Variants in MYBL2 observed in about 807,000 individuals in gnomAD.
MYBL2 encodes the protein MYB proto-oncogene like 2.
Under a neutral mutation model 79.9 loss-of-function variants are expected in MYBL2, and 28 were observed. The observed-to-expected ratio is 0.35, with a 90% confidence interval of 0.26 to 0.48. The LOEUF is 0.48. Ranked by LOEUF, MYBL2 falls within the 20% of genes least tolerant of loss-of-function variation. The pLI is 0.99. For missense variants in MYBL2, 735 were observed against 893.9 expected (o/e 0.82, Z 2.27); for synonymous variants, 378 against 361.2 (o/e 1.05, Z -0.53).
rs1380579023 is a variant in MYBL2 at position 43,699,265 on chromosome 20, C to T, written c.664-492C>T. Among the ~76,000 whole-genome samples the T allele has an allele frequency of 7.9e-5, 12 of 151,956 alleles. No individual in the cohort carries two copies. The East Asian group carries it at 9.7e-4, about 12-fold the overall frequency. On this transcript the variant is annotated intron_variant, in intron 6 of 13. Coordinates refer to ENST00000217026, the MANE Select transcript of MYBL2 (RefSeq NM_002466.4). Reference sequence around the variant, plus strand: ...TTCACCATGTTGGCCAGGCTGATCTCGAACTCTTGACCTCAGGTGATCCAC... The same window carrying T: ...TTCACCATGTTGGCCAGGCTGATCTTGAACTCTTGACCTCAGGTGATCCAC...
At chr20:43,675,169 A>G (rs1407509729) in intron 2 of MYBL2, among the ~76,000 whole-genome samples, 2 of 151,574 alleles carry the variant, frequency 1.3e-5, no homozygotes, top group Non-Finnish European at 2.9e-5. Flanking sequence ...TTGTAGAGAC[A>G]GGGTCTCGCC....
In MYBL2 at chr20:43,667,217, C is replaced by G; in HGVS notation, c.-67C>G. The G allele has an allele frequency of 8.6e-7, 1 of 1,158,994 alleles. No individual in the cohort carries two copies. The highest frequency in any genetic ancestry group is 1.1e-6 in the Non-Finnish European group (1 of 935,654). 71.8% of individuals were successfully genotyped at this position (1,158,994 alleles called of 1,614,324 possible). A position where few individuals can be genotyped will look rare whatever the true frequency, so the allele number is the denominator to read the frequency against. On this transcript the variant is annotated 5_prime_UTR_variant, in exon 1 of 14. Transcript: ENST00000217026. ...GGCCGGAGCAGCCCGGGTCCTGACC[C>G]CGGCCCGGCTCCCGCTCCGGGCTCT... is the stretch of plus-strand genomic sequence containing the variant.
At chr20:43,707,936 A>G (rs1987827201) in intron 9 of MYBL2, among the ~76,000 whole-genome samples, 1 of 152,098 alleles carries the variant, frequency 6.6e-6, no homozygotes, top group South Asian at 2.1e-4. Flanking sequence ...CCTCTTCACC[A>G]TCTTAAGCCA....
At chr20:43,712,606 G>A (rs920847483) in intron 11 of MYBL2, among the ~76,000 whole-genome samples, 2 of 152,176 alleles carry the variant, frequency 1.3e-5, no homozygotes, top group African/African-American at 4.8e-5. Context: ...GGCTTGTCCT[G>A]AGGGGTTTGT....
chr20:43,696,721 A>G (rs1356843768), intron 6 of MYBL2, among the ~76,000 whole-genome samples: 2 of 152,272 alleles, frequency 1.3e-5, no homozygotes, highest in African/African-American at 4.8e-5. Flanking sequence ...CATTTGCTGA[A>G]CTGTGTGGTT....
At position 43,675,322 on chromosome 20, in the gene MYBL2, CT is replaced by C. The variant is rs35340291; in HGVS notation, c.114+1436del. On this transcript the variant is annotated intron_variant, in intron 2 of 13. Coordinates refer to ENST00000217026, the MANE Select transcript of MYBL2 (RefSeq NM_002466.4). Reference sequence around the variant, plus strand: ...GTGAACAGTTTGATCAGTTTTTTTTCTTTTTTTTTTTTTGAGATGGAGTCTC... The same window carrying C: ...GTGAACAGTTTGATCAGTTTTTTTTCTTTTTTTTTTTTGAGATGGAGTCTC... Among the ~76,000 whole-genome samples, 1,285 of 142,616 alleles carry C rather than the reference CT, an allele frequency of 9.0e-3. 13 individuals carry two copies. Among genetic ancestry groups the C allele is most frequent in the African/African-American group, 0.026 (1,008 of 39,230 alleles). 93.6% of individuals were successfully genotyped at this position (142,616 alleles called of 152,430 possible). A position where few individuals can be genotyped will look rare whatever the true frequency, so the allele number is the denominator to read the frequency against.
chr20:43,692,127 G>T (rs758672846), intron 5 of MYBL2, 30 bp from the exon 6 acceptor site: 13 of 1,608,434 alleles, frequency 8.1e-6, no homozygotes, highest in Non-Finnish European at 1.1e-5. Context: ...ACAGAGCTGG[G>T]GTTCAAAGGC....
chr20:43,708,998 G>C (rs1342242845), intron 9 of MYBL2, among the ~76,000 whole-genome samples: 1 of 152,244 alleles, frequency 6.6e-6, no homozygotes, highest in Non-Finnish European at 1.5e-5. Context: ...CTAATCTCTA[G>C]GTCCTGAGGA....
At chr20:43,702,126 C>CA (rs958699751) in intron 7 of MYBL2, among the ~76,000 whole-genome samples, 7 of 151,112 alleles carry the variant, frequency 4.6e-5, no homozygotes, top group Admixed American at 2.0e-4. Flanking sequence ...GTCTCTGTCT[C>CA]AAAAAAAAGT....
In MYBL2 at chr20:43,716,434, C is replaced by T. The variant is rs1176712499; in HGVS notation, c.*347C>T. On this transcript the variant is annotated 3_prime_UTR_variant, in exon 14 of 14. Coordinates refer to ENST00000217026, the MANE Select transcript of MYBL2 (RefSeq NM_002466.4). ...ATGTGGCCAGGGGTGCTCCTGTGCT[C>T]ACCCTCTCTTGGTGCATTTTTTTGG... 1 of 303,570 alleles carries T rather than the reference C, an allele frequency of 3.3e-6. No homozygotes were observed. Among genetic ancestry groups the T allele is most frequent in the East Asian group, 8.4e-5 (1 of 11,944 alleles). 18.8% of individuals were successfully genotyped at this position (303,570 alleles called of 1,614,324 possible). A position where few individuals can be genotyped will look rare whatever the true frequency, so the allele number is the denominator to read the frequency against.
chr20:43,671,056 C>T (rs972413477), intron 1 of MYBL2, among the ~76,000 whole-genome samples: 1 of 151,618 alleles, frequency 6.6e-6, no homozygotes, highest in Non-Finnish European at 1.5e-5. Flanking sequence ...GCAACCTCTG[C>T]CTCCTGGGTT....
chr20:43,681,651 G>A, intron 2 of MYBL2, 133 bp from the exon 3 acceptor site: 1 of 877,392 alleles, frequency 1.1e-6, no homozygotes, highest in Non-Finnish European at 1.9e-6. Context: ...GTAGTGCCTG[G>A]CACCTTGTAC....
intron 9 of MYBL2, among the ~76,000 whole-genome samples, chr20:43,706,809 G>A (rs1209310178): frequency 7.1e-6 from 1 of 140,636 alleles, no homozygotes; most frequent in Admixed American, 7.6e-5. Context: ...TCCGCCTCCC[G>A]GGTTCAAGCA....
intron 4 of MYBL2, 42 bp downstream of exon 4, chr20:43,682,928 C>A (rs1987178143): frequency 2.6e-6 from 4 of 1,566,476 alleles, no homozygotes; most frequent in Non-Finnish European, 2.6e-6. Flanking sequence ...GGGTCTTCAC[C>A]CACCAGTGTA....
intron 3 of MYBL2, 70 bp downstream of exon 3, chr20:43,681,925 C>G (rs1987154207): frequency 6.5e-7 from 1 of 1,544,000 alleles, no homozygotes; most frequent in Non-Finnish European, 8.9e-7. Context: ...CTGGGACAGA[C>G]TTTGCCAAGG....
intron 9 of MYBL2, among the ~76,000 whole-genome samples, chr20:43,706,719 G>GTTTTTTTTTTTTTTTTTTTTTTT (rs71193702): frequency 2.8e-5 from 2 of 70,780 alleles, no homozygotes; most frequent in African/African-American, 1.2e-4. Flanking sequence ...AAAAAAAAAA[G>GTTTTTTTTTTTTTTTTTTTTTTT]TTTTTTTTTT....
chr20:43,695,018 C>A (rs1025040887), intron 6 of MYBL2, among the ~76,000 whole-genome samples: 1 of 148,672 alleles, frequency 6.7e-6, no homozygotes, highest in Non-Finnish European at 1.5e-5. Flanking sequence ...CAGACCATGA[C>A]CCTGAGCACA....
chr20:43,711,628 T>G, intron 11 of MYBL2, 27 bp downstream of exon 11: 1 of 1,582,632 alleles, frequency 6.3e-7, no homozygotes, highest in Non-Finnish European at 8.6e-7. Context: ...TGGGAGAGCC[T>G]GGGCAGGGGG....
Position 43,715,188 on chromosome 20 carries a change from G to A in MYBL2, c.1879G>A (p.Asp627Asn), listed in dbSNP as rs1988001669. 1 of 1,614,126 alleles carries A rather than the reference G, an allele frequency of 6.2e-7. No homozygotes were observed. The highest frequency in any genetic ancestry group is 1.3e-5 in the African/African-American group (1 of 74,952). ...CCTCACCCTGTCAGGTATCAAAGAAGACAACAGCTTGCTCAACCAGGGCTT... is the reference window on the plus strand; with the variant it reads ...CCTCACCCTGTCAGGTATCAAAGAAAACAACAGCTTGCTCAACCAGGGCTT... ...SSLTLSGIKE[D>N]NSLLNQGFLQ... is the part of the protein sequence containing the mutation. Residue 627 changes from aspartate (D) to asparagine (N), a missense_variant, in exon 13 of 14, where the codon GAC (aspartate) becomes AAC (asparagine). Physicochemically the swap from Asp to Asn is conservative, Grantham distance 23. This residue lies in a region of MYBL2 where 204 missense variants were observed against 202.9 expected (regional missense o/e 1.01). Coordinates refer to ENST00000217026, the MANE Select transcript of MYBL2 (RefSeq NM_002466.4).
Sources: allele counts gnomAD v4.1 joint callset (sites outside exome capture counted in the v4.1 genomes callset), GRCh38; gene constraint gnomAD v4.1.1; regional missense constraint gnomAD v4.1.1; transcripts MANE v1.5; gene names NCBI Gene and HGNC (gene_info 2026-07-23, HGNC 2026-07-21).